TBC1D22A: variants seen among roughly 807,000 people sequenced by gnomAD.
TBC1D22A encodes putative GTPase activator.
Under a neutral mutation model 60.2 loss-of-function variants are expected in TBC1D22A, and 38 were observed. That is an observed-to-expected ratio of 0.63 (90% confidence interval 0.49 to 0.83). The LOEUF (loss-of-function observed/expected upper bound fraction) is 0.83, where lower values mean the gene tolerates loss of function less well. TBC1D22A is among the 40% of genes least tolerant of loss of function. The probability of loss-of-function intolerance (pLI) is 0.00; values close to 1 mark genes in which losing one functional copy is unlikely to be tolerated. For synonymous variants in TBC1D22A, 302 were observed against 281.7 expected (o/e 1.07, Z -0.72); for missense variants, 628 against 701.0 (o/e 0.90, Z 1.18).
At chr22:46,932,224 C>T (rs2071392637) in intron 8 of TBC1D22A, among the ~76,000 whole-genome samples, 1 of 152,180 alleles carries the variant, frequency 6.6e-6, no homozygotes, top group South Asian at 2.1e-4. Context: ...CTTAAATGCC[C>T]TCTGGCGACA....
chr22:47,003,016 C>T (rs1266671668), intron 10 of TBC1D22A, among the ~76,000 whole-genome samples: 1 of 152,136 alleles, frequency 6.6e-6, no homozygotes, highest in Non-Finnish European at 1.5e-5. Flanking sequence ...GTGCCTTTGC[C>T]TCTCTTTAGT....
chr22:47,082,234 TTTA>T (rs2064498819), intron 11 of TBC1D22A, among the ~76,000 whole-genome samples: 1 of 152,190 alleles, frequency 6.6e-6, no homozygotes, highest in South Asian at 2.1e-4. Context: ...CCTACTAACC[TTTA>T]TTATAGACAC....
rs2148047598 is a variant in TBC1D22A, at chr22:46,959,456, C to G, written c.1016-14834C>G. 1.3e-5 allele frequency among the ~76,000 whole-genome samples: 2 copies of G among 152,328 alleles called. 1 individual carries two copies. Among genetic ancestry groups the G allele is most frequent in the South Asian group, 4.1e-4 (2 of 4,832 alleles). On this transcript the variant is annotated intron_variant, in intron 8 of 12. Transcript: ENST00000337137. Reference sequence around the variant, plus strand: ...CGCAGCGGGCAGCATTGCCGCCTCCCTATGAGCCTTGGCCCTCTGCCTCTG... The same window carrying G: ...CGCAGCGGGCAGCATTGCCGCCTCCGTATGAGCCTTGGCCCTCTGCCTCTG...
chr22:47,017,356 G>A (rs2061944371), intron 10 of TBC1D22A, among the ~76,000 whole-genome samples: 1 of 152,204 alleles, frequency 6.6e-6, no homozygotes, highest in Non-Finnish European at 1.5e-5. Flanking sequence ...CAAGGCTGCG[G>A]TCTCCGGGCT....
Position 46,907,039 on chromosome 22 carries a change from T to A in TBC1D22A, c.901-5035T>A, listed in dbSNP as rs1208848156. On this transcript the variant is annotated intron_variant, in intron 7 of 12. Transcript: ENST00000337137. ...GTGTGCACGCTTCGTATGTGTGTAC[T>A]CTTCTGTGTGCATGTGCTCTTCTCC... Among the ~76,000 whole-genome samples the A allele has an allele frequency of 2.6e-5, 4 of 151,966 alleles. No individual in the cohort carries two copies. In the East Asian group the frequency reaches 7.8e-4, roughly 30 times the overall value.
intron 11 of TBC1D22A, among the ~76,000 whole-genome samples, chr22:47,081,780 C>T (rs935744491): frequency 3.3e-5 from 5 of 152,100 alleles, no homozygotes; most frequent in Admixed American, 3.3e-4. Context: ...AACTGCAAGA[C>T]AGTGCTGAGA....
At chr22:46,955,983 A>G (rs1202163219) in intron 8 of TBC1D22A, among the ~76,000 whole-genome samples, 1 of 152,202 alleles carries the variant, frequency 6.6e-6, no homozygotes, top group African/African-American at 2.4e-5. Context: ...CATTGGGTAC[A>G]TTGATTTCTG....
At chr22:46,932,099 G>C (rs17174691) in intron 8 of TBC1D22A, among the ~76,000 whole-genome samples, 39,251 of 152,228 alleles carry the variant, frequency 0.26, 6,360 homozygotes, top group Middle Eastern at 0.42. Flanking sequence ...TATAGAAAGT[G>C]TAAGTCCTGT....
intron 1 of TBC1D22A, among the ~76,000 whole-genome samples, chr22:46,781,661 C>G (rs936326441): frequency 1.3e-5 from 2 of 152,294 alleles, no homozygotes; most frequent in African/African-American, 4.8e-5. Flanking sequence ...TGGGGGTCTT[C>G]TCCAGGGCAC....
At chr22:46,917,108 C>G (rs1410475278) in intron 8 of TBC1D22A, among the ~76,000 whole-genome samples, 1 of 152,160 alleles carries the variant, frequency 6.6e-6, no homozygotes, top group Non-Finnish European at 1.5e-5. Context: ...GTTAGCACAG[C>G]CATTGGAGAC....
At chr22:47,095,563 G>T (rs12628965) in intron 11 of TBC1D22A, among the ~76,000 whole-genome samples, 3 of 152,142 alleles carry the variant, frequency 2.0e-5, no homozygotes, top group African/African-American at 7.2e-5. Flanking sequence ...AACTAAATCC[G>T]CCACAGAACG....
At chr22:46,822,115 G>A (rs1363850530) in intron 4 of TBC1D22A, among the ~76,000 whole-genome samples, 2 of 151,898 alleles carry the variant, frequency 1.3e-5, no homozygotes, top group African/African-American at 4.8e-5. Context: ...CTCTAAACTT[G>A]TTATTCTAGT....
In TBC1D22A at chr22:46,968,934, C is replaced by T. The variant is rs142393159; in HGVS notation, c.1016-5356C>T. ...ATTCATCCACCCGTCTACCCATATC[C>T]ATCTGTCCACTCGTCCATCTCTCCA... is the stretch of plus-strand genomic sequence containing the variant. On this transcript the variant is annotated intron_variant, in intron 8 of 12. Transcript: ENST00000337137. 1.4e-4 allele frequency among the ~76,000 whole-genome samples: 21 copies of T among 152,302 alleles called. 2 individuals are homozygous for T. The East Asian group carries it at 3.9e-3, about 28-fold the overall frequency.
chr22:46,904,146 C>CTATCTAT (rs1555937562), intron 7 of TBC1D22A, among the ~76,000 whole-genome samples: 100 of 45,442 alleles, frequency 2.2e-3, no homozygotes, highest in South Asian at 4.5e-3. Context: ...TATCTATCTA[C>CTATCTAT]CTACCTACCT....
chr22:46,997,318 C>T (rs2075153913), intron 9 of TBC1D22A, among the ~76,000 whole-genome samples: 1 of 152,208 alleles, frequency 6.6e-6, no homozygotes, highest in Non-Finnish European at 1.5e-5. Context: ...ATGAGCTATG[C>T]CCATGGATGC....
intron 9 of TBC1D22A, among the ~76,000 whole-genome samples, chr22:46,975,669 A>G (rs2074268269): frequency 6.6e-6 from 1 of 152,204 alleles, no homozygotes; most frequent in Non-Finnish European, 1.5e-5. Flanking sequence ...TCCTGATACC[A>G]CTAAGTGAAG....
intron 5 of TBC1D22A, among the ~76,000 whole-genome samples, chr22:46,883,700 C>T (rs1418595513): frequency 1.3e-5 from 2 of 152,230 alleles, no homozygotes; most frequent in African/African-American, 2.4e-5. Flanking sequence ...CCCTGCTGGC[C>T]CACGCTGCCC....
At chr22:46,927,183 C>T (rs1261943326) in intron 8 of TBC1D22A, among the ~76,000 whole-genome samples, 2 of 152,176 alleles carry the variant, frequency 1.3e-5, no homozygotes, top group Non-Finnish European at 2.9e-5. Flanking sequence ...TTCCTTATCA[C>T]AATGGACTTA....
intron 11 of TBC1D22A, among the ~76,000 whole-genome samples, chr22:47,110,114 A>G (rs940895913): frequency 3.3e-5 from 5 of 152,160 alleles, no homozygotes; most frequent in African/African-American, 1.2e-4. Context: ...GAACATTCCA[A>G]GCAGCTTCTA....
Sources: allele counts gnomAD v4.1 joint callset (sites outside exome capture counted in the v4.1 genomes callset), GRCh38; gene constraint gnomAD v4.1.1; transcripts MANE v1.5; gene names NCBI Gene and HGNC (gene_info 2026-07-23, HGNC 2026-07-21).